CEP290: variants seen among roughly 807,000 people sequenced by gnomAD.
CEP290 encodes centrosomal protein 290, also known as centrosomal protein of 290 kDa.
CEP290 carries 317 observed loss-of-function variants against 344.9 expected under a neutral mutation model. That is an observed-to-expected ratio of 0.92 (90% CI 0.84 to 1.01). The LOEUF is 1.01. CEP290 is among the 50% of genes least tolerant of loss of function. The pLI is 0.00. For synonymous variants in CEP290, 932 were observed against 895.8 expected (o/e 1.04, Z -0.72); for missense variants, 2,754 against 2,761.4 (o/e 1.00, Z 0.06).
rs145171852 is a variant in CEP290 at position 88,073,354 on chromosome 12, C to T, written c.5710-1428G>A. On this transcript the variant is annotated intron_variant, in intron 41 of 53. Coordinates refer to ENST00000552810, the MANE Select transcript of CEP290 (RefSeq NM_025114.4). ...GAACACATTTGTGTCAGTCTGCAAT[C>T]GTAGCTTTGAACTCACATTAATGAA... Among the ~76,000 whole-genome samples, 7 of 152,290 alleles carry T rather than the reference C, an allele frequency of 4.6e-5. 1 individual carries two copies. Among genetic ancestry groups the T allele is most frequent in the East Asian group, 1.9e-4 (1 of 5,178 alleles).
At chr12:88,050,593 AT>A (rs771168975) in intron 52 of CEP290, among the ~76,000 whole-genome samples, 160 bp from the exon 53 acceptor site, 55 of 152,192 alleles carry the variant, frequency 3.6e-4, no homozygotes, top group Non-Finnish European at 4.0e-4. Flanking sequence ...TAAACACTTA[AT>A]GCTGCCTCCC....
intron 20 of CEP290, among the ~76,000 whole-genome samples, chr12:88,112,285 T>C (rs1464331056): frequency 1.3e-5 from 2 of 152,108 alleles, no homozygotes; most frequent in Non-Finnish European, 2.9e-5. Flanking sequence ...TGAGGTATTT[T>C]TCTCTGAAAT....
intron 41 of CEP290, among the ~76,000 whole-genome samples, chr12:88,073,675 T>C (rs1046927812): frequency 2.0e-5 from 3 of 152,144 alleles, no homozygotes; most frequent in Admixed American, 6.6e-5. Context: ...CTCATGCTTA[T>C]AATCTCAGCA....
intron 6 of CEP290, among the ~76,000 whole-genome samples, chr12:88,133,072 GTTTT>G (rs778943616): frequency 5.4e-5 from 7 of 129,046 alleles, no homozygotes; most frequent in African/African-American, 8.7e-5. Flanking sequence ...TCTTGTTCCG[GTTTT>G]TTTTTTTTTT....
intron 25 of CEP290, among the ~76,000 whole-genome samples, chr12:88,105,506 C>T (rs951657490): frequency 2.0e-4 from 30 of 152,218 alleles, no homozygotes; most frequent in Middle Eastern, 6.8e-3. Flanking sequence ...AATGAGGAAA[C>T]GCTATTTATT....
chr12:88,079,336 C>G, intron 38 of CEP290, 107 bp from the exon 39 acceptor site: 1 of 872,766 alleles, frequency 1.1e-6, no homozygotes, highest in Non-Finnish European at 1.7e-6. Flanking sequence ...TACTATTTTT[C>G]TAAAATATTA....
At chr12:88,065,197 TTCTC>T (rs1224305691) in intron 44 of CEP290, among the ~76,000 whole-genome samples, 2 of 152,054 alleles carry the variant, frequency 1.3e-5, no homozygotes, top group Admixed American at 6.5e-5. Context: ...TTTTTCTCCT[TTCTC>T]TCTCTATTGG....
At chr12:88,050,074 A>G (rs2033344930) in intron 53 of CEP290, 1 of 244,374 alleles carries the variant, frequency 4.1e-6, no homozygotes, top group African/African-American at 2.3e-5. Flanking sequence ...AAATAAAGAC[A>G]CTGTTGCCAA....
At chr12:88,084,345 A>G (rs1297560420) in intron 35 of CEP290, among the ~76,000 whole-genome samples, 1 of 152,164 alleles carries the variant, frequency 6.6e-6, no homozygotes, top group Non-Finnish European at 1.5e-5. Context: ...ATATTTTTCA[A>G]AATCATATGA....
chr12:88,084,723 C>T lies in CEP290; in HGVS notation c.4567G>A (p.Gly1523Ser). 1 of 1,613,714 alleles carries T rather than the reference C, an allele frequency of 6.2e-7. No homozygotes were observed. The highest frequency in any genetic ancestry group is 1.1e-5 in the South Asian group (1 of 91,070). ...GATTTTGGTTCCATCTCTTTTCTGC[C>T]TAGCTCAGCTATGAGCTTTTCTCTT... ...AEREKLIAEL[G>S]RKEMEPKSHH... is the part of the protein sequence containing the mutation. Residue 1523 changes from glycine (G) to serine (S), a missense_variant, in exon 35 of 54, where the codon GGC (glycine) becomes AGC (serine). By Grantham distance (56) the Gly-to-Ser change is moderately conservative. Coordinates refer to ENST00000552810, the MANE Select transcript of CEP290 (RefSeq NM_025114.4).
At chr12:88,079,754 A>G (rs1442404954) in intron 38 of CEP290, among the ~76,000 whole-genome samples, 2 of 152,158 alleles carry the variant, frequency 1.3e-5, no homozygotes, top group African/African-American at 4.8e-5. Flanking sequence ...CCTTCTCACA[A>G]AAACATCTCT....
chr12:88,054,312 A>G, intron 51 of CEP290, 28 bp downstream of exon 51: 1 of 1,475,658 alleles, frequency 6.8e-7, no homozygotes, highest in Non-Finnish European at 9.3e-7. Context: ...AGAAAAAAAC[A>G]AAGTAGTCAT....
At chr12:88,074,490 T>G (rs776211366) in intron 41 of CEP290, among the ~76,000 whole-genome samples, 40 of 152,214 alleles carry the variant, frequency 2.6e-4, no homozygotes, top group Non-Finnish European at 1.8e-4. Flanking sequence ...ACGTGAATGG[T>G]ACCATGGGTA....
chr12:88,054,451 C>A, intron 50 of CEP290, 38 bp from the exon 51 acceptor site: 1 of 1,425,192 alleles, frequency 7.0e-7, no homozygotes, highest in Non-Finnish European at 9.8e-7. Flanking sequence ...TAAGGTTTGC[C>A]ATGGAAATAT....
In CEP290 at chr12:88,131,365, C is replaced by A. The variant is rs1389403910; in HGVS notation, c.442-147G>T. 10 of 536,030 alleles carry A rather than the reference C, an allele frequency of 1.9e-5. No individual in the cohort carries two copies. In the South Asian group the frequency reaches 2.8e-4, roughly 15 times the overall value. 33.2% of individuals were successfully genotyped at this position (536,030 alleles called of 1,614,324 possible). ...TGCAACCTCTGCCTCCCGGTTCAAG[C>A]AATTCTCCCACCTCAGCCTACCGAG... On this transcript the variant is annotated intron_variant, in intron 6 of 53. Coordinates refer to ENST00000552810, the MANE Select transcript of CEP290 (RefSeq NM_025114.4).
chr12:88,137,430 G>A (rs74549898), intron 5 of CEP290, among the ~76,000 whole-genome samples: 5,740 of 152,200 alleles, frequency 0.038, 175 homozygotes, highest in African/African-American at 0.084. Flanking sequence ...ATTTGTAGCC[G>A]ATTAAATCCA....
At chr12:88,123,672 G>C (rs938862688) in intron 13 of CEP290, among the ~76,000 whole-genome samples, 1 of 151,894 alleles carries the variant, frequency 6.6e-6, no homozygotes, top group Non-Finnish European at 1.5e-5. Flanking sequence ...TACTCCCTTG[G>C]TGATCTTAGC....
rs754796813 is a variant in CEP290 at position 88,077,306 on chromosome 12, T to C, written c.5625A>G (p.Glu1875=). The C allele has an allele frequency of 1.9e-6, 3 of 1,590,906 alleles. No individual in the cohort carries two copies. Among genetic ancestry groups the C allele is most frequent in the African/African-American group, 2.7e-5 (2 of 74,382 alleles). The change falls in exon 41 of 54, where the codon GAA becomes GAG. Residue 1875 remains glutamate, a synonymous_variant. Coordinates refer to ENST00000552810, the MANE Select transcript of CEP290 (RefSeq NM_025114.4). ...PLTDNKQSLI[E]ELQRKVKKLE... ...GTTTTTTAACTTTCCTTTGGAGTTC[T>C]TCAATTAGACTTTGTTTATTATCTG...
intron 17 of CEP290, among the ~76,000 whole-genome samples, chr12:88,118,123 T>C (rs1446424045): frequency 6.6e-6 from 1 of 151,768 alleles, no homozygotes; most frequent in Admixed American, 6.6e-5. Flanking sequence ...AAATGTTGAG[T>C]AACATATATT....
Sources: gnomAD v4.1 joint callset for allele counts (sites outside exome capture counted in the v4.1 genomes callset) on GRCh38, gnomAD v4.1.1 for gene constraint, MANE v1.5 for transcripts, NCBI Gene and HGNC (gene_info 2026-07-23, HGNC 2026-07-21) for gene names.